MAST4: variants seen among roughly 807,000 people sequenced by gnomAD.
The protein encoded by MAST4 is microtubule associated serine/threonine kinase family member 4.
Under a neutral mutation model 162.7 loss-of-function variants are expected in MAST4, and 89 were observed. The observed-to-expected ratio is 0.55, with a 90% CI of 0.46 to 0.65. MAST4 has a LOEUF of 0.65. Ranked by LOEUF, MAST4 falls within the 30% of genes least tolerant of loss-of-function variation. MAST4 has a pLI of 0.00. For synonymous variants in MAST4, 1,479 were observed against 1,361.1 expected (o/e 1.09, Z -1.91); for missense variants, 3,153 against 3,374.0 (o/e 0.93, Z 1.62).
At chr5:66,981,751 A>C (rs530217246) in intron 4 of MAST4, among the ~76,000 whole-genome samples, 1 of 152,272 alleles carries the variant, frequency 6.6e-6, no homozygotes, top group South Asian at 2.1e-4. Flanking sequence ...TTCATTTTTC[A>C]AGAGAGGCTC....
intron 3 of MAST4, among the ~76,000 whole-genome samples, chr5:66,895,868 A>G (rs77025900): frequency 0.04 from 6,038 of 152,258 alleles, 189 homozygotes; most frequent in East Asian, 0.12. Flanking sequence ...TTTAAAATTT[A>G]TAGAACATTT....
intron 5 of MAST4, among the ~76,000 whole-genome samples, chr5:67,068,259 A>G (rs962438566): frequency 2.6e-5 from 4 of 152,192 alleles, no homozygotes; most frequent in African/African-American, 7.2e-5. Flanking sequence ...TCATGCTGCT[A>G]TGAAGAAATA....
At chr5:66,711,056 C>T (rs1008269832) in intron 1 of MAST4, among the ~76,000 whole-genome samples, 21 of 152,108 alleles carry the variant, frequency 1.4e-4, no homozygotes, top group Non-Finnish European at 2.2e-4. Flanking sequence ...GGATTAGTTT[C>T]GCTACTCTTT....
intron 1 of MAST4, among the ~76,000 whole-genome samples, chr5:66,684,739 T>C (rs1748535765): frequency 1.3e-5 from 2 of 152,082 alleles, no homozygotes; most frequent in South Asian, 4.1e-4. Context: ...ATAATGCTAG[T>C]AATTTTGGGG....
At chr5:66,755,520 G>A (rs2149603407) in intron 1 of MAST4, among the ~76,000 whole-genome samples, 1 of 152,314 alleles carries the variant, frequency 6.6e-6, no homozygotes, top group Admixed American at 6.5e-5. Context: ...AGGGCATATA[G>A]CCGTAGATAA....
chr5:66,831,522 C>G (rs904536530), intron 3 of MAST4, among the ~76,000 whole-genome samples: 6 of 152,118 alleles, frequency 3.9e-5, no homozygotes, highest in Admixed American at 6.5e-5. Context: ...TTCAGTACCT[C>G]TAGTTTTTAA....
At chr5:67,055,009 G>GTTTTTTTT (rs11366472) in intron 5 of MAST4, among the ~76,000 whole-genome samples, 1 of 145,384 alleles carries the variant, frequency 6.9e-6, no homozygotes. Flanking sequence ...TTATATGCTG[G>GTTTTTTTT]TTTTTTTTTT....
chr5:66,825,263 C>G (rs1447241257), intron 3 of MAST4, among the ~76,000 whole-genome samples: 2 of 7,202 alleles, frequency 2.8e-4, no homozygotes, highest in South Asian at 0.012. Context: ...AAAACTAAGA[C>G]ACACACACAC....
intron 4 of MAST4, among the ~76,000 whole-genome samples, chr5:66,962,594 G>A (rs1338220855): frequency 4.6e-5 from 7 of 152,114 alleles, no homozygotes; most frequent in African/African-American, 1.7e-4. Flanking sequence ...TATAGTCCTG[G>A]CTACTTGGGA....
chr5:66,667,597 A>T (rs927076337), intron 1 of MAST4, among the ~76,000 whole-genome samples: 2 of 152,176 alleles, frequency 1.3e-5, no homozygotes, highest in Non-Finnish European at 2.9e-5. Flanking sequence ...TTGGTCGCCA[A>T]TTCTCACCTA....
chr5:67,164,889 C>T lies in MAST4; in HGVS notation c.5710C>T (p.His1904Tyr). The T allele has an allele frequency of 6.2e-7, 1 of 1,614,016 alleles. No individual in the cohort carries two copies. The highest frequency in any genetic ancestry group is 2.2e-5 in the East Asian group (1 of 44,876). The change falls in exon 29 of 29, where the codon CAT becomes TAT. Residue 1904 changes from histidine to tyrosine, a missense_variant. Coordinates refer to ENST00000403625, the MANE Select transcript of MAST4 (RefSeq NM_001164664.2). The surrounding 1 kb of genome is among the most constrained non-coding windows in gnomAD (Gnocchi z 5.3). The stretch of plus-strand genomic sequence containing the variant: ...GTTCAAGAGGGACAGGAAAGGTCCC[C>T]ATCCTACTGCCAGGAGCCCTGGAAC... ...PEFKRDRKGP[H>Y]PTARSPGTVM... is the part of the protein sequence containing the mutation.
chr5:66,627,253 A>G (rs1299615843), intron 1 of MAST4, among the ~76,000 whole-genome samples: 1 of 152,212 alleles, frequency 6.6e-6, no homozygotes, highest in African/African-American at 2.4e-5. Flanking sequence ...CTCACTCACT[A>G]TCACGAGAAA....
At chr5:67,076,721 G>A (rs1761696317) in intron 5 of MAST4, among the ~76,000 whole-genome samples, 1 of 152,096 alleles carries the variant, frequency 6.6e-6, no homozygotes, top group South Asian at 2.1e-4. Context: ...CTCAGACATC[G>A]AAGCTCATTT....
chr5:67,046,415 C>T (rs1757375264), intron 4 of MAST4, among the ~76,000 whole-genome samples: 1 of 152,224 alleles, frequency 6.6e-6, no homozygotes, highest in African/African-American at 2.4e-5. Flanking sequence ...TCTCACACTT[C>T]AGCAGCAAAT....
intron 3 of MAST4, among the ~76,000 whole-genome samples, chr5:66,847,055 A>G (rs1441090556): frequency 6.6e-6 from 1 of 152,152 alleles, no homozygotes; most frequent in Middle Eastern, 3.2e-3. Context: ...ATTAGGAAAT[A>G]CGTAGCCTCA....
At chr5:66,887,454 C>G (rs1762110593) in intron 3 of MAST4, among the ~76,000 whole-genome samples, 1 of 152,118 alleles carries the variant, frequency 6.6e-6, no homozygotes, top group African/African-American at 2.4e-5. Flanking sequence ...TAACAGAAAA[C>G]CCAACTAATA....
chr5:67,124,387 C>T (rs776118929), intron 14 of MAST4, among the ~76,000 whole-genome samples: 17 of 152,140 alleles, frequency 1.1e-4, no homozygotes, highest in African/African-American at 2.4e-5. Context: ...GTCTGGCTGT[C>T]GGTGGCTGTC....
At chr5:66,659,893 G>A (rs892583887) in intron 1 of MAST4, among the ~76,000 whole-genome samples, 2 of 152,250 alleles carry the variant, frequency 1.3e-5, no homozygotes, top group African/African-American at 4.8e-5. Context: ...AGTTTGCTGG[G>A]TGGGAAAGTG....
At chr5:66,614,946 CT>C (rs1488427977) in intron 1 of MAST4, among the ~76,000 whole-genome samples, 1 of 152,142 alleles carries the variant, frequency 6.6e-6, no homozygotes, top group African/African-American at 2.4e-5. Context: ...CTTTTTTGGG[CT>C]GTTAAATCTG....
Sources: allele counts gnomAD v4.1 joint callset (sites outside exome capture counted in the v4.1 genomes callset), GRCh38; gene constraint gnomAD v4.1.1; non-coding constraint Gnocchi (gnomAD v3.1); transcripts MANE v1.5; gene names NCBI Gene and HGNC (gene_info 2026-07-23, HGNC 2026-07-21).